MYH11: variants seen among roughly 807,000 people sequenced by gnomAD.
The protein encoded by MYH11 is myosin-11.
A neutral mutation model predicts 246.6 loss-of-function variants in MYH11; 80 were observed. The ratio of observed to expected loss-of-function variants is 0.32; its 90% CI spans 0.27 to 0.39. The LOEUF (loss-of-function observed/expected upper bound fraction) is 0.39, where lower values mean the gene tolerates loss of function less well. Ranked by LOEUF, MYH11 falls within the 10% of genes least tolerant of loss-of-function variation. The pLI, the probability that MYH11 is intolerant of heterozygous loss-of-function variation, is 1.00. For synonymous variants in MYH11, 1,071 were observed against 1,015.5 expected, an observed-to-expected ratio of 1.05 and a Z score of -1.04; for missense variants, 2,158 against 2,546.8, an observed-to-expected ratio of 0.85 and a Z score of 3.29.
chr16:15,759,826 A>C, intron 11 of MYH11, 98 bp from the exon 12 acceptor site: 1 of 1,468,844 alleles, frequency 6.8e-7, no homozygotes, highest in Non-Finnish European at 9.3e-7. Context: ...GGCCGGGTGC[A>C]GTGACTCACA....
chr16:15,839,649 G>A (rs113694250), intron 1 of MYH11, among the ~76,000 whole-genome samples: 10 of 150,932 alleles, frequency 6.6e-5, no homozygotes, highest in Non-Finnish European at 1.2e-4. Context: ...AGCTGAGATC[G>A]CGCCACTGCA....
At chr16:15,852,631 A>G (rs13335548) in intron 1 of MYH11, among the ~76,000 whole-genome samples, 27,329 of 151,956 alleles carry the variant, frequency 0.18, 3,069 homozygotes, top group East Asian at 0.43. Context: ...GAGCCACTGC[A>G]CCTGGTCTGC....
At chr16:15,708,947 A>T in intron 40 of MYH11, 1 of 1,194,014 alleles carries the variant, frequency 8.4e-7, no homozygotes, top group Non-Finnish European at 1.2e-6. Flanking sequence ...TTAATAATTA[A>T]AGGCACTCTT....
chr16:15,738,488 G>T, intron 24 of MYH11, 77 bp downstream of exon 24: 2 of 1,392,828 alleles, frequency 1.4e-6, no homozygotes, highest in Non-Finnish European at 2.0e-6. Flanking sequence ...ACTGCAGCCT[G>T]GGCAACAGAG....
intron 2 of MYH11, among the ~76,000 whole-genome samples, 158 bp downstream of exon 2, chr16:15,837,750 G>T (rs2043936665): frequency 1.3e-5 from 2 of 151,958 alleles, no homozygotes; most frequent in Admixed American, 6.6e-5. Context: ...GGCCAGCGTG[G>T]TCTCGAACTT....
chr16:15,716,616 C>T (rs116535340), intron 38 of MYH11, among the ~76,000 whole-genome samples: 1,820 of 152,166 alleles, frequency 0.012, 36 homozygotes, highest in African/African-American at 0.041. Flanking sequence ...CCACGTGTCA[C>T]GTTGGAGTGA....
chr16:15,763,741 T>TGGCCCCCC, intron 10 of MYH11, 55 bp downstream of exon 10: 1 of 646,858 alleles, frequency 1.5e-6, no homozygotes, highest in Non-Finnish European at 2.9e-6. Context: ...AAATGTCACC[T>TGGCCCCCC]CCCCCACCCC....
intron 6 of MYH11, 136 bp from the exon 7 acceptor site, chr16:15,778,979 C>T (rs2042287064): frequency 1.2e-6 from 1 of 846,038 alleles, no homozygotes; most frequent in African/African-American, 1.7e-5. Flanking sequence ...CTCAGAACCC[C>T]ACAGGTCAAG....
chr16:15,758,942 C>T (rs568572342), intron 12 of MYH11, among the ~76,000 whole-genome samples: 5 of 146,938 alleles, frequency 3.4e-5, no homozygotes, highest in South Asian at 2.1e-4. Context: ...CCAGTCTGGG[C>T]GACAGAGCAA....
intron 40 of MYH11, chr16:15,708,950 G>A: frequency 8.5e-7 from 1 of 1,180,574 alleles, no homozygotes; most frequent in South Asian, 1.3e-5. Context: ...ATAATTAAAG[G>A]CACTCTTTTT....
chr16:15,756,062 C>T (rs2041705533), intron 14 of MYH11, among the ~76,000 whole-genome samples: 1 of 152,192 alleles, frequency 6.6e-6, no homozygotes. Flanking sequence ...CGCACCACTG[C>T]ACTCCAGCCT....
At chr16:15,823,937 G>GT (rs1265438352) in intron 2 of MYH11, among the ~76,000 whole-genome samples, 3 of 152,088 alleles carry the variant, frequency 2.0e-5, no homozygotes, top group Non-Finnish European at 4.4e-5. Context: ...AAACTGTGGA[G>GT]TTTTGAAGAG....
chr16:15,723,765 A>G (rs957324561), intron 31 of MYH11, among the ~76,000 whole-genome samples: 39 of 152,214 alleles, frequency 2.6e-4, no homozygotes, highest in Admixed American at 1.0e-3. Flanking sequence ...AATTTTACAG[A>G]ATGAAATCTT....
Position 15,838,044 on chromosome 16 carries a change from G to T in MYH11, c.209C>A (p.Thr70Lys). 1 of 1,614,044 alleles carries T rather than the reference G, an allele frequency of 6.2e-7. No individual in the cohort carries two copies. The highest frequency in any genetic ancestry group is 8.5e-7 in the Non-Finnish European group (1 of 1,180,026). ...VELVENGKKV[T>K]VGKDDIQKMN... is the part of the protein sequence containing the mutation. ...CTTCTGGATGTCATCTTTCCCAACC[G>T]TGACCTTCTTGCCATTCTCCACCAG... The change falls in exon 2 of 41, where the codon ACG becomes AAG. Residue 70 changes from threonine (T) to lysine (K), a missense_variant. Around this residue, in one of 11 missense-constraint regions of MYH11, gnomAD observed 96 missense variants for 91.9 expected, o/e 1.04. Coordinates refer to ENST00000300036, the MANE Select transcript of MYH11 (RefSeq NM_002474.3).
intron 13 of MYH11, among the ~76,000 whole-genome samples, chr16:15,757,555 G>A (rs1224220466): frequency 4.7e-5 from 7 of 148,354 alleles, no homozygotes; most frequent in Non-Finnish European, 6.0e-5. Context: ...GAAGGAAAGG[G>A]AAGGGAAAGA....
chr16:15,763,685 T>C, intron 10 of MYH11, 111 bp downstream of exon 10: 4 of 918,368 alleles, frequency 4.4e-6, no homozygotes, highest in Non-Finnish European at 7.2e-6. Context: ...AGTCCAACTG[T>C]TGTTAAAATC....
At chr16:15,746,609 A>G (rs1405609082) in intron 19 of MYH11, among the ~76,000 whole-genome samples, 2 of 151,766 alleles carry the variant, frequency 1.3e-5, no homozygotes, top group Non-Finnish European at 2.9e-5. Context: ...ACAGAGAGCG[A>G]CCCCACCTGT....
At chr16:15,761,997 C>T (rs2041878120) in intron 10 of MYH11, among the ~76,000 whole-genome samples, 1 of 152,196 alleles carries the variant, frequency 6.6e-6, no homozygotes. Context: ...GTTTTGGACA[C>T]AGAGTCTCAC....
chr16:15,741,302 A>G (rs1471617948), intron 22 of MYH11, 161 bp downstream of exon 22: 3 of 811,918 alleles, frequency 3.7e-6, no homozygotes, highest in Non-Finnish European at 6.3e-6. Flanking sequence ...TCCAGTCCCA[A>G]TCCCAGCTGT....
Sources: gnomAD v4.1 joint callset for allele counts (sites outside exome capture counted in the v4.1 genomes callset) on GRCh38, gnomAD v4.1.1 for gene constraint, gnomAD v4.1.1 regional missense constraint, MANE v1.5 for transcripts, NCBI Gene and HGNC (gene_info 2026-07-23, HGNC 2026-07-21) for gene names.